The following SORCS2 variants were observed in gnomAD, a reference collection of about 807,000 sequenced individuals.
SORCS2 encodes sortilin related VPS10 domain containing receptor 2, also known as VPS10 domain-containing receptor SorCS2.
In SORCS2, 100 loss-of-function variants were observed where a neutral mutation model predicts 141.6. The observed-to-expected ratio is 0.71, with a 90% CI of 0.60 to 0.83. The LOEUF (loss-of-function observed/expected upper bound fraction) is 0.83. Ranked by LOEUF, SORCS2 falls within the 40% of genes least tolerant of loss-of-function variation. The pLI is 0.00. For missense variants in SORCS2, 1,646 were observed against 1,560.2 expected, an observed-to-expected ratio of 1.05 and a Z score of -0.93; for synonymous variants, 789 against 676.9, an observed-to-expected ratio of 1.17 and a Z score of -2.57.
chr4:7,383,638 C>A (rs1723124169), intron 1 of SORCS2, among the ~76,000 whole-genome samples: 1 of 152,188 alleles, frequency 6.6e-6, no homozygotes, highest in South Asian at 2.1e-4. Context: ...CTAACAACAT[C>A]ACAGCTTATC....
At chr4:7,483,343 CAGTG>C (rs993825439) in intron 2 of SORCS2, among the ~76,000 whole-genome samples, 9 of 139,540 alleles carry the variant, frequency 6.4e-5, no homozygotes, top group East Asian at 2.1e-4. Context: ...AAAAAAAAGA[CAGTG>C]AGGAGAAAGC....
chr4:7,345,303 A>G (rs1720594848), intron 1 of SORCS2, among the ~76,000 whole-genome samples: 1 of 152,238 alleles, frequency 6.6e-6, no homozygotes, highest in Admixed American at 6.5e-5. Flanking sequence ...AATATTAAGC[A>G]TAGAAAGTGC....
chr4:7,330,659 G>T lies in SORCS2; in HGVS notation c.481-65629G>T, dbSNP rs113877256. Among the ~76,000 whole-genome samples, 947 of 152,080 alleles carry T rather than the reference G, an allele frequency of 6.2e-3. 11 individuals are homozygous for T. The highest frequency in any genetic ancestry group is 0.021 in the African/African-American group (869 of 41,484). ...AATTTAGAAGTGAAAGTCAATGCCC[G>T]CTGTGCTCTGCAGTGCAACTTACAT... On this transcript the variant is annotated intron_variant, in intron 1 of 26. Transcript: ENST00000507866.
Position 7,433,912 on chromosome 4 carries a change from C to T in SORCS2, c.548+37557C>T, listed in dbSNP as rs374603425. ...AGAGGCAGGCATTACCGAGCACACG[C>T]GCTCCAGGGCATGGGTGATCATGAG... is the stretch of plus-strand genomic sequence containing the variant. On this transcript the variant is annotated intron_variant, in intron 2 of 26. Coordinates refer to ENST00000507866, the MANE Select transcript of SORCS2 (RefSeq NM_020777.3). The T allele has an allele frequency of 1.4e-5, 23 of 1,613,716 alleles. No homozygotes were observed. The highest frequency in any genetic ancestry group is 1.1e-4 in the African/African-American group (8 of 74,924).
At chr4:7,728,314 A>T (rs1727363288) in intron 21 of SORCS2, 36 bp from the exon 22 acceptor site, 1 of 1,540,704 alleles carries the variant, frequency 6.5e-7, no homozygotes, top group East Asian at 2.3e-5. Flanking sequence ...CAGGCTGTCC[A>T]GAACTGACCA....
rs1034695905 is a variant in SORCS2 at position 7,742,661 on chromosome 4, G to A, written c.*2397G>A. 6 of 152,354 alleles carry A rather than the reference G, an allele frequency of 3.9e-5. No individual in the cohort carries two copies. The South Asian group carries it at 8.3e-4, about 21-fold the overall frequency. 9.4% of individuals were successfully genotyped at this position (152,354 alleles called of 1,614,324 possible). ...CGTGTCTGTCCCTGGTTGTAAATTCGAGGGTCTGCATATCTGATGTTCAGG... is the reference window on the plus strand; with the variant it reads ...CGTGTCTGTCCCTGGTTGTAAATTCAAGGGTCTGCATATCTGATGTTCAGG... On this transcript the variant is annotated 3_prime_UTR_variant, in exon 27 of 27. Coordinates refer to ENST00000507866, the MANE Select transcript of SORCS2 (RefSeq NM_020777.3).
chr4:7,568,742 T>A (rs1182772333), intron 3 of SORCS2, among the ~76,000 whole-genome samples: 1 of 152,236 alleles, frequency 6.6e-6, no homozygotes, highest in Non-Finnish European at 1.5e-5. Context: ...ATGGCTAGGA[T>A]GCTCAACCCA....
chr4:7,595,037 G>A (rs927141437), intron 3 of SORCS2, among the ~76,000 whole-genome samples: 3 of 152,192 alleles, frequency 2.0e-5, no homozygotes, highest in Admixed American at 1.3e-4. Context: ...ATCCAGGCTC[G>A]GTCCCCCATG....
At chr4:7,616,375 A>G (rs1228572315) in intron 3 of SORCS2, among the ~76,000 whole-genome samples, 2 of 151,926 alleles carry the variant, frequency 1.3e-5, no homozygotes, top group Non-Finnish European at 2.9e-5. Flanking sequence ...CTATCTACCC[A>G]TTCACCATCC....
At chr4:7,429,391 C>A in intron 2 of SORCS2, among the ~76,000 whole-genome samples, 1 of 152,326 alleles carries the variant, frequency 6.6e-6, no homozygotes, top group African/African-American at 2.4e-5. Flanking sequence ...GCCTCTTCCG[C>A]CCTAAGGGCA....
intron 3 of SORCS2, among the ~76,000 whole-genome samples, chr4:7,590,094 G>A (rs1005901382): frequency 3.3e-5 from 5 of 152,280 alleles, no homozygotes; most frequent in Admixed American, 6.5e-5. Flanking sequence ...CTTAAAACCC[G>A]AGTCGAATAA....
chr4:7,354,241 G>A (rs533690939), intron 1 of SORCS2, among the ~76,000 whole-genome samples: 41 of 152,306 alleles, frequency 2.7e-4, no homozygotes, highest in Non-Finnish European at 5.4e-4. Flanking sequence ...AGGGTCAGTA[G>A]GAGGACAGGA....
chr4:7,414,824 C>T lies in SORCS2; in HGVS notation c.548+18469C>T, dbSNP rs184473939. ...ATGTTGTTATTTTTTGGAGAAAATTCCTGGGAACTTCATACATGGTTGGTG... is the reference window on the plus strand; with the variant it reads ...ATGTTGTTATTTTTTGGAGAAAATTTCTGGGAACTTCATACATGGTTGGTG... On this transcript the variant is annotated intron_variant, in intron 2 of 26. Coordinates refer to ENST00000507866, the MANE Select transcript of SORCS2 (RefSeq NM_020777.3). Among the ~76,000 whole-genome samples, 4 of 152,200 alleles carry T rather than the reference C, an allele frequency of 2.6e-5. No homozygotes were observed. The East Asian group carries it at 7.7e-4, about 29-fold the overall frequency.
intron 13 of SORCS2, among the ~76,000 whole-genome samples, chr4:7,703,578 A>T (rs1407096205): frequency 2.0e-5 from 3 of 152,330 alleles, no homozygotes; most frequent in Non-Finnish European, 2.9e-5. Flanking sequence ...TCGTCTTGCC[A>T]TCGGGAGACA....
chr4:7,682,275 G>T (rs933882749), intron 9 of SORCS2, among the ~76,000 whole-genome samples: 1 of 152,116 alleles, frequency 6.6e-6, no homozygotes, highest in Non-Finnish European at 1.5e-5. Context: ...GTTTGTATGG[G>T]GATTGAGCTG....
At chr4:7,730,997 C>T (rs1011504992) in intron 23 of SORCS2, among the ~76,000 whole-genome samples, 2 of 152,224 alleles carry the variant, frequency 1.3e-5, no homozygotes, top group Admixed American at 6.5e-5. Context: ...AGTGCACACT[C>T]CAGCATGCCC....
At chr4:7,197,004 C>A (rs934958104) in intron 1 of SORCS2, among the ~76,000 whole-genome samples, 1 of 152,206 alleles carries the variant, frequency 6.6e-6, no homozygotes, top group East Asian at 1.9e-4. Flanking sequence ...GCTGCCAGGG[C>A]AAAGTGCCAC....
chr4:7,543,756 CCACCCA>C lies in SORCS2; in HGVS notation c.648+12129_648+12134del, dbSNP rs1560373157. 4.3e-4 allele frequency among the ~76,000 whole-genome samples: 41 copies of C among 94,424 alleles called. 1 individual carries two copies. The highest frequency in any genetic ancestry group is 1.5e-3 in the African/African-American group (30 of 19,810). The allele number at this position is 94,424 out of a possible 152,430, so 61.9% of individuals were successfully genotyped here. On this transcript the variant is annotated intron_variant, in intron 3 of 26. Transcript: ENST00000507866. ...TCCACCCATCCACCCATCCACCCATCCACCCACCCATCCGTCCATCCATCCACTCAT... is the reference window on the plus strand; with the variant it reads ...TCCACCCATCCACCCATCCACCCATCCCCATCCGTCCATCCATCCACTCAT...
At chr4:7,293,356 C>A (rs1215505276) in intron 1 of SORCS2, among the ~76,000 whole-genome samples, 1 of 151,990 alleles carries the variant, frequency 6.6e-6, no homozygotes, top group Non-Finnish European at 1.5e-5. Flanking sequence ...CCACCTTTGT[C>A]CCCTGACCGA....
Sources: gnomAD v4.1 joint callset for allele counts (sites outside exome capture counted in the v4.1 genomes callset) on GRCh38, gnomAD v4.1.1 for gene constraint, MANE v1.5 for transcripts, NCBI Gene and HGNC (gene_info 2026-07-23, HGNC 2026-07-21) for gene names.